OLA1: variants seen among roughly 807,000 people sequenced by gnomAD.
The protein encoded by OLA1 is Obg like ATPase 1, also known as obg-like ATPase 1.
A neutral mutation model predicts 48.4 loss-of-function variants in OLA1; 14 were observed. The ratio of observed to expected loss-of-function variants is 0.29; its 90% CI spans 0.19 to 0.45. The LOEUF (loss-of-function observed/expected upper bound fraction) is 0.45. Among genes scored for constraint, OLA1 ranks in the 20% least tolerant of loss-of-function variants. The pLI, the probability that OLA1 is intolerant of heterozygous loss-of-function variation, is 1.00. For synonymous variants in OLA1, 127 were observed against 150.4 expected (o/e 0.84, Z 1.14); for missense variants, 325 against 467.1 (o/e 0.70, Z 2.80).
chr2:174,205,272 C>A (rs2105436087), intron 4 of OLA1, among the ~76,000 whole-genome samples: 1 of 152,098 alleles, frequency 6.6e-6, no homozygotes, highest in East Asian at 1.9e-4. Flanking sequence ...CAGAATTCAG[C>A]CTATATATAC....
At chr2:174,216,503 A>G (rs1284570363) in intron 4 of OLA1, among the ~76,000 whole-genome samples, 1 of 152,144 alleles carries the variant, frequency 6.6e-6, no homozygotes, top group African/African-American at 2.4e-5. Context: ...TAATCTTGTG[A>G]ATAGATGACA....
At chr2:174,237,205 T>C (rs1559020175) in intron 2 of OLA1, among the ~76,000 whole-genome samples, 1 of 152,040 alleles carries the variant, frequency 6.6e-6, no homozygotes, top group African/African-American at 2.4e-5. Flanking sequence ...ACTTTTTTGT[T>C]AAACACCGAG....
At chr2:174,125,941 C>T (rs1206440901) in intron 5 of OLA1, among the ~76,000 whole-genome samples, 1 of 152,096 alleles carries the variant, frequency 6.6e-6, no homozygotes, top group Non-Finnish European at 1.5e-5. Context: ...ATTTTGTACT[C>T]AGTGCTCTCT....
chr2:174,145,199 A>AT (rs527655629), intron 4 of OLA1, among the ~76,000 whole-genome samples: 1 of 151,614 alleles, frequency 6.6e-6, no homozygotes, highest in South Asian at 2.1e-4. Context: ...GGAATATACT[A>AT]TTTTTTTATA....
chr2:174,247,672 G>T (rs1054546441), intron 1 of OLA1: 9 of 1,550,934 alleles, frequency 5.8e-6, no homozygotes, highest in Non-Finnish European at 7.8e-6. Context: ...ACACCCACCA[G>T]GTACTGGGGT....
chr2:174,241,632 T>A (rs982941576), intron 2 of OLA1, among the ~76,000 whole-genome samples: 4 of 152,122 alleles, frequency 2.6e-5, no homozygotes, highest in African/African-American at 7.2e-5. Flanking sequence ...TTCAGAGTAA[T>A]CGTTTTTTGT....
intron 7 of OLA1, among the ~76,000 whole-genome samples, chr2:174,116,294 G>A (rs887127124): frequency 3.3e-5 from 5 of 152,172 alleles, no homozygotes; most frequent in Non-Finnish European, 1.5e-5. Flanking sequence ...TTCTCAAATT[G>A]TTCTATTTCT....
intron 7 of OLA1, among the ~76,000 whole-genome samples, chr2:174,115,091 A>G (rs754510833): frequency 2.1e-4 from 32 of 152,228 alleles, no homozygotes; most frequent in South Asian, 2.1e-4. Context: ...GTCTCTGAAA[A>G]AAAAAGAAAA....
At chr2:174,123,533 A>G (rs375021891) in intron 6 of OLA1, 62 bp downstream of exon 6, 62 of 984,048 alleles carry the variant, frequency 6.3e-5, no homozygotes, top group East Asian at 6.2e-4. Flanking sequence ...CAACAACTCT[A>G]ATTTGTTCCC....
chr2:174,181,148 T>C (rs965633551), intron 4 of OLA1, among the ~76,000 whole-genome samples: 3 of 152,188 alleles, frequency 2.0e-5, no homozygotes, highest in African/African-American at 7.2e-5. Flanking sequence ...CATGATTTGC[T>C]AATACTTAAT....
At chr2:174,165,904 T>C (rs958043625) in intron 4 of OLA1, among the ~76,000 whole-genome samples, 18 of 152,156 alleles carry the variant, frequency 1.2e-4, no homozygotes, top group Non-Finnish European at 5.9e-5. Context: ...GGCTGATCAC[T>C]TGAGGTCAGG....
At chr2:174,189,521 T>G (rs1332231722) in intron 4 of OLA1, among the ~76,000 whole-genome samples, 1 of 152,066 alleles carries the variant, frequency 6.6e-6, no homozygotes, top group Admixed American at 6.6e-5. Context: ...CTCTTAAATA[T>G]GAAGAGATGT....
intron 7 of OLA1, among the ~76,000 whole-genome samples, chr2:174,088,755 A>G (rs1685038593): frequency 6.6e-6 from 1 of 152,188 alleles, no homozygotes; most frequent in Non-Finnish European, 1.5e-5. Flanking sequence ...TCATGCCTAT[A>G]ATCCCAGCAC....
rs550633332 is a variant in OLA1 at position 174,171,653 on chromosome 2, T to G, written c.374-29653A>C. 3.3e-5 allele frequency among the ~76,000 whole-genome samples: 5 copies of G among 152,356 alleles called. 1 individual carries two copies. Among genetic ancestry groups the G allele is most frequent in the African/African-American group, 9.6e-5 (4 of 41,584 alleles). On this transcript the variant is annotated intron_variant, in intron 4 of 10. Coordinates refer to ENST00000284719, the MANE Select transcript of OLA1 (RefSeq NM_013341.5). ...AGTTTGTAACTTTAAATAATCATAT[T>G]AGAAAACAACCTCCAAAATTAATAA...
intron 4 of OLA1, among the ~76,000 whole-genome samples, chr2:174,175,378 T>C (rs77724717): frequency 0.13 from 19,977 of 150,928 alleles, 1,778 homozygotes; most frequent in Non-Finnish European, 0.2. Flanking sequence ...TCCAGTTCTT[T>C]GATACTGGAT....
At chr2:174,123,795 GT>G in intron 5 of OLA1, 120 bp from the exon 6 acceptor site, 1 of 419,224 alleles carries the variant, frequency 2.4e-6, no homozygotes, top group Admixed American at 4.1e-5. Flanking sequence ...AGGGGGCTAG[GT>G]CACACAAATA....
At chr2:174,132,766 T>C (rs1426210954) in intron 5 of OLA1, among the ~76,000 whole-genome samples, 1 of 152,206 alleles carries the variant, frequency 6.6e-6, no homozygotes, top group Non-Finnish European at 1.5e-5. Flanking sequence ...AAATGGTCAA[T>C]TTTGGTAAAT....
At chr2:174,093,123 T>C (rs9636297) in intron 7 of OLA1, among the ~76,000 whole-genome samples, 25,396 of 152,136 alleles carry the variant, frequency 0.17, 2,241 homozygotes, top group East Asian at 0.21. Flanking sequence ...AAATATCGTT[T>C]GTGAACAACC....
intron 4 of OLA1, among the ~76,000 whole-genome samples, chr2:174,185,992 A>G (rs546828318): frequency 2.6e-5 from 4 of 152,312 alleles, no homozygotes; most frequent in Admixed American, 1.3e-4. Context: ...ACATAAGAGA[A>G]TAACACATTT....
Sources: allele counts gnomAD v4.1 joint callset (sites outside exome capture counted in the v4.1 genomes callset), GRCh38; gene constraint gnomAD v4.1.1; transcripts MANE v1.5; gene names NCBI Gene and HGNC (gene_info 2026-07-23, HGNC 2026-07-21).